Variants in CNTN5 observed in about 807,000 individuals in gnomAD.
CNTN5 encodes the protein contactin-5.
A neutral mutation model predicts 129.1 loss-of-function variants in CNTN5; 77 were observed. The ratio of observed to expected loss-of-function variants is 0.60; its 90% CI spans 0.50 to 0.72. CNTN5 has a LOEUF of 0.72. Among genes scored for constraint, CNTN5 ranks in the 30% least tolerant of loss-of-function variants. The pLI is 0.00. For missense variants in CNTN5, 1,478 were observed against 1,328.8 expected, an observed-to-expected ratio of 1.11 and a Z score of -1.75; for synonymous variants, 509 against 465.6, an observed-to-expected ratio of 1.09 and a Z score of -1.20.
At chr11:99,560,393 G>A (rs1175173524) in intron 3 of CNTN5, among the ~76,000 whole-genome samples, 1 of 151,772 alleles carries the variant, frequency 6.6e-6, no homozygotes, top group Non-Finnish European at 1.5e-5. Context: ...CCGGGTTCAA[G>A]AAATTCTCCT....
intron 4 of CNTN5, among the ~76,000 whole-genome samples, chr11:99,837,898 G>T (rs951520638): frequency 9.2e-5 from 14 of 151,902 alleles, no homozygotes; most frequent in African/African-American, 3.4e-4. Flanking sequence ...CTTCATTTTT[G>T]TTAATTTCTC....
At chr11:99,755,871 A>C (rs1249910827) in intron 3 of CNTN5, among the ~76,000 whole-genome samples, 1 of 152,150 alleles carries the variant, frequency 6.6e-6, no homozygotes, top group Non-Finnish European at 1.5e-5. Context: ...AAAACCTATC[A>C]CAAGGTATGA....
chr11:100,293,805 G>T (rs1275382570), intron 18 of CNTN5, among the ~76,000 whole-genome samples: 2 of 151,564 alleles, frequency 1.3e-5, no homozygotes, highest in Non-Finnish European at 3.0e-5. Context: ...AAGAATAAAA[G>T]CATTATGTAA....
At chr11:100,344,268 A>G (rs1330895936) in intron 23 of CNTN5, among the ~76,000 whole-genome samples, 1 of 152,190 alleles carries the variant, frequency 6.6e-6, no homozygotes, top group East Asian at 1.9e-4. Flanking sequence ...AGAATTCAGA[A>G]AAGTATTTAT....
chr11:99,486,889 A>T (rs533896658), intron 2 of CNTN5, among the ~76,000 whole-genome samples: 1 of 152,332 alleles, frequency 6.6e-6, no homozygotes, highest in South Asian at 2.1e-4. Flanking sequence ...TATTGGCTAT[A>T]AAATGATGGG....
At chr11:99,978,043 A>G (rs1270171350) in intron 8 of CNTN5, among the ~76,000 whole-genome samples, 1 of 152,260 alleles carries the variant, frequency 6.6e-6, no homozygotes, top group Non-Finnish European at 1.5e-5. Flanking sequence ...TCATGACATT[A>G]TAATGGAACT....
intron 1 of CNTN5, among the ~76,000 whole-genome samples, chr11:99,127,285 G>A (rs766504116): frequency 6.6e-6 from 1 of 151,756 alleles, no homozygotes; most frequent in Non-Finnish European, 1.5e-5. Flanking sequence ...TTCTTTTTGT[G>A]TCTGTCTTCA....
intron 2 of CNTN5, among the ~76,000 whole-genome samples, chr11:99,429,690 G>A (rs957627644): frequency 4.0e-5 from 6 of 151,800 alleles, no homozygotes; most frequent in Admixed American, 1.3e-4. Context: ...CTCTGAGCAC[G>A]GGGCAGAGTC....
In CNTN5 at chr11:99,711,097, C is replaced by A. The variant is rs115979305; in HGVS notation, c.56-108447C>A. ...CCTATATAATAACTTCTAAATTTCC[C>A]GACAGAATCGTTTCAAAACATTTTT... On this transcript the variant is annotated intron_variant, in intron 3 of 24. Coordinates refer to ENST00000524871, the MANE Select transcript of CNTN5 (RefSeq NM_014361.4). 7.3e-3 allele frequency among the ~76,000 whole-genome samples: 1,103 copies of A among 151,920 alleles called. 13 individuals carry two copies. Among genetic ancestry groups the A allele is most frequent in the African/African-American group, 0.025 (1,026 of 41,488 alleles).
intron 2 of CNTN5, among the ~76,000 whole-genome samples, chr11:99,397,265 A>G (rs994958652): frequency 1.3e-5 from 2 of 151,788 alleles, no homozygotes; most frequent in Non-Finnish European, 3.0e-5. Context: ...GTAAAGTACA[A>G]TTCTCATCAT....
At position 99,361,829 on chromosome 11, in the gene CNTN5, T is replaced by C. The variant is rs1291924234; in HGVS notation, c.-71+36345T>C. ...GCATGCATCAGAATTCTATTCCTAT[T>C]AAAGGCTGAATAATATTCCATTGTA... On this transcript the variant is annotated intron_variant, in intron 2 of 24. Transcript: ENST00000524871. Among the ~76,000 whole-genome samples, 4 of 152,146 alleles carry C rather than the reference T, an allele frequency of 2.6e-5. No individual in the cohort carries two copies. The East Asian group carries it at 5.8e-4, about 22-fold the overall frequency.
chr11:99,525,645 T>C (rs572422176), intron 2 of CNTN5, among the ~76,000 whole-genome samples: 1 of 152,212 alleles, frequency 6.6e-6, no homozygotes, highest in South Asian at 2.1e-4. Context: ...TACAAAAGTT[T>C]GAAGAAATGC....
intron 21 of CNTN5, among the ~76,000 whole-genome samples, chr11:100,324,604 C>A (rs1285854835): frequency 1.3e-5 from 2 of 151,970 alleles, no homozygotes; most frequent in Admixed American, 6.6e-5. Flanking sequence ...CAAAATGTTT[C>A]AATAAAGAAT....
chr11:99,758,403 A>G (rs187397651), intron 3 of CNTN5, among the ~76,000 whole-genome samples: 3 of 152,212 alleles, frequency 2.0e-5, no homozygotes, highest in Admixed American at 2.0e-4. Flanking sequence ...TATAACATAT[A>G]AAGCATTATT....
chr11:100,041,945 T>C (rs914524498), intron 9 of CNTN5, among the ~76,000 whole-genome samples: 4 of 152,126 alleles, frequency 2.6e-5, no homozygotes, highest in Non-Finnish European at 5.9e-5. Flanking sequence ...GAGTCAAGAA[T>C]CAGAAAGGAG....
intron 6 of CNTN5, among the ~76,000 whole-genome samples, chr11:99,879,006 C>G (rs1389364573): frequency 6.6e-6 from 1 of 152,092 alleles, no homozygotes; most frequent in African/African-American, 2.4e-5. Flanking sequence ...GATCTGATCT[C>G]TGCTCACTGC....
In CNTN5 at chr11:100,341,115, C is replaced by G; in HGVS notation, c.2940C>G (p.Asn980Lys). The change falls in exon 23 of 25, where the codon AAC (asparagine) becomes AAG (lysine). Residue 980 changes from asparagine (N) to lysine (K), a missense_variant. Coordinates refer to ENST00000524871, the MANE Select transcript of CNTN5 (RefSeq NM_014361.4). Reference protein sequence around the residue: ...KKSPPSQAPSNLRWEQQGSQV... With the variant: ...KKSPPSQAPSKLRWEQQGSQV... ...CAGCTCCTAGTCAAGCACCTAGCAACCTCAGGTGGGAGCAGCAAGGCTCTC... is the reference window on the plus strand; with the variant it reads ...CAGCTCCTAGTCAAGCACCTAGCAAGCTCAGGTGGGAGCAGCAAGGCTCTC... 6.2e-7 allele frequency: 1 copy of G among 1,613,616 alleles called. No homozygotes were observed. Among genetic ancestry groups the G allele is most frequent in the Non-Finnish European group, 8.5e-7 (1 of 1,179,578 alleles).
chr11:99,853,178 T>C (rs1167619960), intron 6 of CNTN5, among the ~76,000 whole-genome samples: 5 of 152,136 alleles, frequency 3.3e-5, no homozygotes, highest in Non-Finnish European at 7.4e-5. Flanking sequence ...CCCGGAGATC[T>C]TGCAGACTTA....
chr11:100,294,851 C>T (rs1053265855), intron 18 of CNTN5, among the ~76,000 whole-genome samples: 1 of 151,412 alleles, frequency 6.6e-6, no homozygotes, highest in Non-Finnish European at 1.5e-5. Flanking sequence ...CAGTGGACTC[C>T]ATCAGTGCAG....
Sources: gnomAD v4.1 joint callset for allele counts (sites outside exome capture counted in the v4.1 genomes callset) on GRCh38, gnomAD v4.1.1 for gene constraint, MANE v1.5 for transcripts, NCBI Gene and HGNC (gene_info 2026-07-23, HGNC 2026-07-21) for gene names.